The following BBS9 variants were observed in gnomAD, a reference collection of about 807,000 sequenced individuals.
The protein encoded by BBS9 is Bardet-Biedl syndrome 9, also known as protein PTHB1.
Under a neutral mutation model 117.7 loss-of-function variants are expected in BBS9, and 89 were observed. The ratio of observed to expected loss-of-function variants is 0.76; its 90% CI spans 0.64 to 0.90. BBS9 has a LOEUF of 0.90. Ranked by LOEUF, BBS9 falls within the 40% of genes least tolerant of loss-of-function variation. The pLI is 0.00. For synonymous variants in BBS9, 379 were observed against 370.9 expected, an observed-to-expected ratio of 1.02 and a Z score of -0.25; for missense variants, 982 against 1,042.2, an observed-to-expected ratio of 0.94 and a Z score of 0.80.
At chr7:33,152,958 T>G (rs1793578998) in intron 3 of BBS9, 107 bp downstream of exon 3, 1 of 1,285,214 alleles carries the variant, frequency 7.8e-7, no homozygotes. Flanking sequence ...TAAATATATT[T>G]TCTGGATATT....
At chr7:33,246,473 G>A (rs554989543) in intron 5 of BBS9, among the ~76,000 whole-genome samples, 18 of 151,992 alleles carry the variant, frequency 1.2e-4, no homozygotes, top group African/African-American at 3.9e-4. Flanking sequence ...TGATATTATT[G>A]CAAGTGAGGA....
At chr7:33,250,521 G>C (rs1158660372) in intron 5 of BBS9, among the ~76,000 whole-genome samples, 2 of 152,084 alleles carry the variant, frequency 1.3e-5, no homozygotes, top group Non-Finnish European at 1.5e-5. Flanking sequence ...GGCTTTTTCT[G>C]GACTGTTCTT....
chr7:33,177,371 C>T (rs1797473311), intron 4 of BBS9, 107 bp from the exon 5 acceptor site: 5 of 765,394 alleles, frequency 6.5e-6, no homozygotes, highest in Non-Finnish European at 1.1e-5. Flanking sequence ...AGTGCTTTGC[C>T]ATTATAATTT....
chr7:33,378,139 C>T (rs904674339), intron 17 of BBS9, among the ~76,000 whole-genome samples: 1 of 152,198 alleles, frequency 6.6e-6, no homozygotes, highest in Non-Finnish European at 1.5e-5. Flanking sequence ...ACCATAGCAT[C>T]TCAAGAAAGG....
chr7:33,451,992 C>T (rs1296069827), intron 19 of BBS9, among the ~76,000 whole-genome samples: 2 of 152,046 alleles, frequency 1.3e-5, no homozygotes, highest in Non-Finnish European at 2.9e-5. Context: ...CAGCACCATG[C>T]CCAGCTAATT....
intron 21 of BBS9, among the ~76,000 whole-genome samples, chr7:33,615,990 A>G (rs2392250): frequency 0.41 from 62,157 of 151,920 alleles, 17,995 homozygotes; most frequent in African/African-American, 0.82. Context: ...GACTTTCTCA[A>G]ACAAACAAAA....
At chr7:33,472,512 G>C (rs1327315799) in intron 19 of BBS9, among the ~76,000 whole-genome samples, 1 of 152,122 alleles carries the variant, frequency 6.6e-6, no homozygotes, top group Non-Finnish European at 1.5e-5. Flanking sequence ...CCGGGTGACT[G>C]CTCAGATCTA....
intron 9 of BBS9, among the ~76,000 whole-genome samples, chr7:33,282,803 A>G (rs1802157251): frequency 6.6e-6 from 1 of 152,218 alleles, no homozygotes; most frequent in African/African-American, 2.4e-5. Context: ...AGACTTCTCT[A>G]AACAAGAATA....
chr7:33,609,247 T>C (rs973370236), downstream of BBS9, among the ~76,000 whole-genome samples: 1 of 152,148 alleles, frequency 6.6e-6, no homozygotes, highest in African/African-American at 2.4e-5. Flanking sequence ...AGCCAGTTTA[T>C]CATCAAAATC....
chr7:33,467,674 C>T (rs1358415785), intron 19 of BBS9, among the ~76,000 whole-genome samples: 3 of 151,632 alleles, frequency 2.0e-5, no homozygotes, highest in African/African-American at 7.3e-5. Context: ...TTAGATCATC[C>T]TTAGGTGGTA....
At chr7:33,602,874 C>T (rs1288727222) in intron 21 of BBS9, among the ~76,000 whole-genome samples, 1 of 152,116 alleles carries the variant, frequency 6.6e-6, no homozygotes, top group Non-Finnish European at 1.5e-5. Flanking sequence ...CAGGGCAGGG[C>T]ACCTTGCCGT....
intron 20 of BBS9, among the ~76,000 whole-genome samples, chr7:33,519,932 T>A (rs1848355940): frequency 6.6e-6 from 1 of 152,082 alleles, no homozygotes; most frequent in Admixed American, 6.6e-5. Flanking sequence ...GAAGTTATAA[T>A]ACCCACTCAT....
chr7:33,354,686 T>C (rs75591226), intron 15 of BBS9, among the ~76,000 whole-genome samples: 4,361 of 152,202 alleles, frequency 0.029, 204 homozygotes, highest in African/African-American at 0.094. Flanking sequence ...TTTATTTCTT[T>C]AAAGCACATT....
At chr7:33,429,897 T>C (rs1314359806) in intron 19 of BBS9, among the ~76,000 whole-genome samples, 9 of 152,194 alleles carry the variant, frequency 5.9e-5, no homozygotes, top group Non-Finnish European at 1.0e-4. Flanking sequence ...TTTCATTTTT[T>C]TCTGAGACCA....
intron 21 of BBS9, among the ~76,000 whole-genome samples, chr7:33,621,963 T>C (rs1334386448): frequency 6.6e-6 from 1 of 152,140 alleles, no homozygotes; most frequent in East Asian, 1.9e-4. Context: ...TAATTCCAGC[T>C]CTTTGAGGGG....
chr7:33,297,320 CTG>C (rs1183707160), intron 9 of BBS9, among the ~76,000 whole-genome samples: 1 of 152,122 alleles, frequency 6.6e-6, no homozygotes, highest in Non-Finnish European at 1.5e-5. Flanking sequence ...ATACATAAAA[CTG>C]TAAACCATTG....
chr7:33,247,000 G>A (rs1795439375), intron 5 of BBS9, among the ~76,000 whole-genome samples: 2 of 152,136 alleles, frequency 1.3e-5, no homozygotes, highest in African/African-American at 4.8e-5. Context: ...CCTAAGTTCC[G>A]AGAGACTTCT....
At chr7:33,411,200 T>C (rs1831084155) in intron 19 of BBS9, among the ~76,000 whole-genome samples, 2 of 152,272 alleles carry the variant, frequency 1.3e-5, no homozygotes, top group South Asian at 4.1e-4. Flanking sequence ...AGATGCCAAA[T>C]CTTCATAAAA....
chr7:33,291,548 A>G (rs778652788), intron 9 of BBS9, among the ~76,000 whole-genome samples: 11 of 152,196 alleles, frequency 7.2e-5, no homozygotes, highest in Admixed American at 5.2e-4. Context: ...AGGAAATCCA[A>G]TTGTGAGTAG....
Sources: allele counts gnomAD v4.1 joint callset (sites outside exome capture counted in the v4.1 genomes callset), GRCh38; gene constraint gnomAD v4.1.1; transcripts MANE v1.5; gene names NCBI Gene and HGNC (gene_info 2026-07-23, HGNC 2026-07-21).